Variants in SEMA3C observed in about 807,000 individuals in gnomAD.
SEMA3C encodes semaphorin-3C.
In SEMA3C, 47 loss-of-function variants were observed where a neutral mutation model predicts 89.4. That is an observed-to-expected ratio of 0.53 (90% CI 0.42 to 0.67). The LOEUF is 0.67. Ranked by LOEUF, SEMA3C falls within the 30% of genes least tolerant of loss-of-function variation. The pLI, the probability that SEMA3C is intolerant of heterozygous loss-of-function variation, is 0.00. For missense variants in SEMA3C, 839 were observed against 929.1 expected, an observed-to-expected ratio of 0.90 and a Z score of 1.26; for synonymous variants, 310 against 320.2, an observed-to-expected ratio of 0.97 and a Z score of 0.34.
intron 2 of SEMA3C, among the ~76,000 whole-genome samples, chr7:80,888,181 G>A (rs1791527146): frequency 6.6e-6 from 1 of 152,154 alleles, no homozygotes; most frequent in South Asian, 2.1e-4. Flanking sequence ...GAGAGGCTGA[G>A]GCAGGAGGAT....
chr7:80,872,910 T>C (rs1002236990), intron 2 of SEMA3C, among the ~76,000 whole-genome samples: 1 of 134,214 alleles, frequency 7.5e-6, no homozygotes, highest in Admixed American at 8.4e-5. Flanking sequence ...TATACATTCA[T>C]GAGAATGAGA....
intron 16 of SEMA3C, among the ~76,000 whole-genome samples, chr7:80,751,009 G>A (rs900902870): frequency 6.6e-5 from 10 of 152,170 alleles, no homozygotes; most frequent in African/African-American, 2.2e-4. Context: ...AAGAAAATCT[G>A]TAATTACGAT....
At chr7:80,910,967 A>G (rs1792133712) in intron 2 of SEMA3C, among the ~76,000 whole-genome samples, 1 of 152,102 alleles carries the variant, frequency 6.6e-6, no homozygotes, top group Non-Finnish European at 1.5e-5. Flanking sequence ...TTCTACTGTT[A>G]TCCATCTAAG....
chr7:80,836,104 C>T (rs139525237), intron 2 of SEMA3C, among the ~76,000 whole-genome samples: 2 of 152,212 alleles, frequency 1.3e-5, no homozygotes, highest in East Asian at 1.9e-4. Flanking sequence ...ATTTTCTTTG[C>T]CAGTCGGGGA....
At chr7:80,881,162 GAAAC>G (rs1243069924) in intron 2 of SEMA3C, among the ~76,000 whole-genome samples, 1 of 123,728 alleles carries the variant, frequency 8.1e-6, no homozygotes, top group Non-Finnish European at 1.7e-5. Context: ...CCTGGAGAAA[GAAAC>G]ACACACACAC....
intron 17 of SEMA3C, among the ~76,000 whole-genome samples, chr7:80,748,159 C>T (rs973641746): frequency 2.0e-5 from 3 of 152,052 alleles, no homozygotes; most frequent in African/African-American, 7.2e-5. Flanking sequence ...TTCCCTAAGG[C>T]TTTATATATA....
intron 2 of SEMA3C, among the ~76,000 whole-genome samples, chr7:80,884,127 A>T (rs1791416965): frequency 6.6e-6 from 1 of 152,190 alleles, no homozygotes; most frequent in Non-Finnish European, 1.5e-5. Flanking sequence ...TTTTATTGTT[A>T]TAAAAAAAGT....
intron 2 of SEMA3C, among the ~76,000 whole-genome samples, chr7:80,861,404 G>A (rs2115990365): frequency 6.6e-6 from 1 of 152,126 alleles, no homozygotes; most frequent in South Asian, 2.1e-4. Context: ...GCTTGCCATG[G>A]TTTTCAATAT....
intron 2 of SEMA3C, among the ~76,000 whole-genome samples, chr7:80,903,787 T>TA (rs1185953817): frequency 2.6e-5 from 4 of 151,952 alleles, no homozygotes; most frequent in African/African-American, 9.6e-5. Context: ...TTTAAAAGGC[T>TA]AAAAAAAATG....
rs779100694 is a variant in SEMA3C at position 80,804,220 on chromosome 7, G to A, written c.687C>T (p.Ile229=). The change falls in exon 8 of 18, where the codon ATC becomes ATT. Residue 229 remains isoleucine (I), a synonymous_variant. Coordinates refer to ENST00000265361, the MANE Select transcript of SEMA3C (RefSeq NM_006379.5). ...CATCATTTGGATCAGTACCATCTGG[G>A]ATGACATGTGCATCTACAAACATAG... The part of the protein sequence containing the change: ...SEPMFVDAHV[I]PDGTDPNDAK... The A allele has an allele frequency of 3.1e-6, 5 of 1,607,636 alleles. No homozygotes were observed. Among genetic ancestry groups the A allele is most frequent in the East Asian group, 2.2e-5 (1 of 44,546 alleles).
upstream of SEMA3C, among the ~76,000 whole-genome samples, chr7:80,920,511 C>T (rs1021794623): frequency 2.0e-5 from 3 of 152,158 alleles, no homozygotes; most frequent in Admixed American, 2.0e-4. Context: ...TGAGACACAT[C>T]TTTCATGTGT....
At chr7:80,908,569 G>A (rs747136610) in intron 2 of SEMA3C, among the ~76,000 whole-genome samples, 10 of 152,148 alleles carry the variant, frequency 6.6e-5, no homozygotes, top group Non-Finnish European at 1.5e-4. Context: ...AAAAGCAGGC[G>A]TAGAGAGCAA....
intron 15 of SEMA3C, among the ~76,000 whole-genome samples, chr7:80,753,249 T>C (rs1248630955): frequency 6.6e-6 from 1 of 152,220 alleles, no homozygotes; most frequent in Admixed American, 6.5e-5. Context: ...TAGTGTATTC[T>C]AGAATAGCTC....
At chr7:80,746,639 C>T (rs1263434614) in intron 17 of SEMA3C, among the ~76,000 whole-genome samples, 3 of 150,410 alleles carry the variant, frequency 2.0e-5, no homozygotes, top group Admixed American at 6.6e-5. Context: ...AAAAAAAACA[C>T]TTAAGGTATA....
At chr7:80,872,645 A>G (rs1791090784) in intron 2 of SEMA3C, among the ~76,000 whole-genome samples, 1 of 151,836 alleles carries the variant, frequency 6.6e-6, no homozygotes, top group Non-Finnish European at 1.5e-5. Context: ...TACTAAAAAT[A>G]GAAAAATTAG....
intron 2 of SEMA3C, among the ~76,000 whole-genome samples, chr7:80,912,230 T>C (rs1315156244): frequency 6.6e-6 from 1 of 152,194 alleles, no homozygotes; most frequent in Non-Finnish European, 1.5e-5. Flanking sequence ...TGTAACACCT[T>C]TTATCCTAAA....
chr7:80,795,734 C>A (rs931130873), intron 11 of SEMA3C, among the ~76,000 whole-genome samples: 1 of 152,120 alleles, frequency 6.6e-6, no homozygotes, highest in Non-Finnish European at 1.5e-5. Flanking sequence ...TGTTAAGGTG[C>A]CTTTTAAGTT....
chr7:80,845,103 C>G (rs1790359345), intron 2 of SEMA3C, among the ~76,000 whole-genome samples: 1 of 152,156 alleles, frequency 6.6e-6, no homozygotes, highest in African/African-American at 2.4e-5. Flanking sequence ...ACCTCTCCCC[C>G]TCCACTGTTT....
At chr7:80,781,838 T>C (rs1406027956) in intron 12 of SEMA3C, among the ~76,000 whole-genome samples, 1 of 152,202 alleles carries the variant, frequency 6.6e-6, no homozygotes, top group Non-Finnish European at 1.5e-5. Context: ...ACTGTAATTG[T>C]TTTCAAGTCA....
Sources: allele counts gnomAD v4.1 joint callset (sites outside exome capture counted in the v4.1 genomes callset), GRCh38; gene constraint gnomAD v4.1.1; transcripts MANE v1.5; gene names NCBI Gene and HGNC (gene_info 2026-07-23, HGNC 2026-07-21).